Variants in SMOC2 observed in about 807,000 individuals in gnomAD.
The protein encoded by SMOC2 is SPARC related modular calcium binding 2, also known as SPARC-related modular calcium-binding protein 2.
A neutral mutation model predicts 61.4 loss-of-function variants in SMOC2; 39 were observed. The observed-to-expected ratio is 0.64, with a 90% CI of 0.49 to 0.83. The LOEUF (loss-of-function observed/expected upper bound fraction) is 0.83, where lower values mean the gene tolerates loss of function less well. Ranked by LOEUF, SMOC2 falls within the 40% of genes least tolerant of loss-of-function variation. The pLI is 0.00. For synonymous variants in SMOC2, 247 were observed against 239.9 expected (o/e 1.03, Z -0.27); for missense variants, 556 against 592.9 (o/e 0.94, Z 0.65).
chr6:168,471,713 T>G (rs774584072), intron 1 of SMOC2, among the ~76,000 whole-genome samples: 1 of 152,234 alleles, frequency 6.6e-6, no homozygotes, highest in African/African-American at 2.4e-5. Flanking sequence ...CAACACTTGT[T>G]ATTTCTGTGT....
chr6:168,509,685 C>A (rs143942430), intron 1 of SMOC2, among the ~76,000 whole-genome samples: 14 of 152,216 alleles, frequency 9.2e-5, no homozygotes, highest in Non-Finnish European at 1.5e-4. Context: ...CTGTGTCAGA[C>A]GGCCGATATT....
intron 1 of SMOC2, among the ~76,000 whole-genome samples, chr6:168,504,335 T>G (rs999283994): frequency 2.7e-5 from 4 of 150,726 alleles, no homozygotes; most frequent in African/African-American, 9.8e-5. Context: ...AATGTGCAAC[T>G]CGCCATAGTG....
At chr6:168,599,394 A>C (rs1344402973) in intron 8 of SMOC2, among the ~76,000 whole-genome samples, 2 of 91,204 alleles carry the variant, frequency 2.2e-5, no homozygotes, top group South Asian at 3.9e-4. Context: ...ACACTCACAC[A>C]CACACTGACA....
At chr6:168,513,493 ACACACACAC>A (rs1189025902) in intron 2 of SMOC2, among the ~76,000 whole-genome samples, 1 of 135,956 alleles carries the variant, frequency 7.4e-6, no homozygotes, top group Non-Finnish European at 1.7e-5. Flanking sequence ...ATACACACAC[ACACACACAC>A]ATAGACACTC....
At chr6:168,514,879 A>G (rs1469357319) in intron 2 of SMOC2, among the ~76,000 whole-genome samples, 1 of 152,046 alleles carries the variant, frequency 6.6e-6, no homozygotes, top group East Asian at 1.9e-4. Context: ...AGGAGGGAGG[A>G]TGGTTGGTCC....
At chr6:168,465,504 T>C (rs1282015517) in intron 1 of SMOC2, among the ~76,000 whole-genome samples, 1 of 151,202 alleles carries the variant, frequency 6.6e-6, no homozygotes, top group African/African-American at 2.4e-5. Flanking sequence ...CTTTTAGAAA[T>C]TGCTATGTGA....
At chr6:168,603,702 G>T (rs1386175106) in intron 8 of SMOC2, among the ~76,000 whole-genome samples, 1 of 116,592 alleles carries the variant, frequency 8.6e-6, no homozygotes, top group Non-Finnish European at 2.0e-5. Flanking sequence ...AATGTCAAAT[G>T]CTCTGGAGGA....
intron 8 of SMOC2, among the ~76,000 whole-genome samples, chr6:168,605,719 C>T (rs1785669710): frequency 6.6e-6 from 1 of 152,210 alleles, no homozygotes; most frequent in Non-Finnish European, 1.5e-5. Context: ...ATGATCTAGT[C>T]TCGTGCCACC....
intron 2 of SMOC2, among the ~76,000 whole-genome samples, chr6:168,518,730 T>G (rs1783221760): frequency 6.6e-6 from 1 of 150,794 alleles, no homozygotes; most frequent in African/African-American, 2.5e-5. Context: ...TATGTGAGTG[T>G]GCATGTGTGT....
intron 1 of SMOC2, among the ~76,000 whole-genome samples, chr6:168,454,283 G>C (rs1781531527): frequency 2.0e-5 from 3 of 152,148 alleles, no homozygotes; most frequent in Admixed American, 2.0e-4. Context: ...GGCTCTGAGA[G>C]CTGAGGCATC....
At chr6:168,555,085 G>A (rs180928753) in intron 7 of SMOC2, among the ~76,000 whole-genome samples, 43 of 152,338 alleles carry the variant, frequency 2.8e-4, no homozygotes, top group African/African-American at 9.9e-4. Flanking sequence ...CTCAGCGCTC[G>A]CCTGCAAGCG....
At chr6:168,580,489 G>C (rs1442907819) in intron 7 of SMOC2, among the ~76,000 whole-genome samples, 1 of 152,172 alleles carries the variant, frequency 6.6e-6, no homozygotes, top group East Asian at 1.9e-4. Flanking sequence ...GAGGAAGACA[G>C]CAACTTTTTC....
At chr6:168,557,740 C>T (rs1480201061) in intron 7 of SMOC2, among the ~76,000 whole-genome samples, 1 of 152,160 alleles carries the variant, frequency 6.6e-6, no homozygotes, top group Non-Finnish European at 1.5e-5. Flanking sequence ...ATGTTGACGT[C>T]ACCAGTTGCT....
intron 1 of SMOC2, among the ~76,000 whole-genome samples, chr6:168,464,063 C>T (rs1409908848): frequency 1.3e-5 from 2 of 151,758 alleles, no homozygotes; most frequent in East Asian, 1.9e-4. Context: ...TGGTGGTGCA[C>T]GCCTATAATC....
chr6:168,567,408 G>A (rs531952060), intron 7 of SMOC2, among the ~76,000 whole-genome samples: 2 of 152,090 alleles, frequency 1.3e-5, no homozygotes, highest in African/African-American at 4.8e-5. Flanking sequence ...AAAATTTTAG[G>A]TTGAAGCAGA....
At chr6:168,599,988 C>G (rs9346555) in intron 8 of SMOC2, among the ~76,000 whole-genome samples, 1 of 150,578 alleles carries the variant, frequency 6.6e-6, no homozygotes, top group Non-Finnish European at 1.5e-5. Flanking sequence ...CACACACACA[C>G]TCACACACAG....
chr6:168,519,457 G>A (rs946847282), intron 2 of SMOC2, among the ~76,000 whole-genome samples: 2 of 152,136 alleles, frequency 1.3e-5, no homozygotes, highest in East Asian at 1.9e-4. Context: ...ACCTTAACTC[G>A]CTTATGGTAT....
At chr6:168,562,877 G>C (rs899877796) in intron 7 of SMOC2, among the ~76,000 whole-genome samples, 1 of 152,212 alleles carries the variant, frequency 6.6e-6, no homozygotes, top group African/African-American at 2.4e-5. Context: ...AGTTTCAGGA[G>C]GGGGTAGATC....
At chr6:168,466,641 G>C (rs530573655) in intron 1 of SMOC2, among the ~76,000 whole-genome samples, 22 of 152,348 alleles carry the variant, frequency 1.4e-4, no homozygotes, top group Admixed American at 3.9e-4. Context: ...CATAGTATTT[G>C]TGCATGCGCT....
Sources: allele counts gnomAD v4.1 joint callset (sites outside exome capture counted in the v4.1 genomes callset), GRCh38; gene constraint gnomAD v4.1.1; transcripts MANE v1.5; gene names NCBI Gene and HGNC (gene_info 2026-07-23, HGNC 2026-07-21).